Variants in WASF3 observed in about 807,000 individuals in gnomAD.
WASF3 encodes the protein actin-binding protein WASF3.
Under a neutral mutation model 46.6 loss-of-function variants are expected in WASF3, and 11 were observed. The observed-to-expected ratio is 0.24, with a 90% CI of 0.15 to 0.39. The LOEUF is 0.39. WASF3 is among the 10% of genes least tolerant of loss of function. The pLI, the probability that WASF3 is intolerant of heterozygous loss-of-function variation, is 1.00. For missense variants in WASF3, 576 were observed against 669.8 expected, an observed-to-expected ratio of 0.86 and a Z score of 1.55; for synonymous variants, 242 against 259.7, an observed-to-expected ratio of 0.93 and a Z score of 0.65.
chr13:26,543,264 G>A, the WASF3 span, among the ~76,000 whole-genome samples: 2 of 152,174 alleles, frequency 1.3e-5, no homozygotes, highest in Non-Finnish European at 2.9e-5. Context: ...TGCACATGCA[G>A]GAGAGAGTTA....
chr13:26,580,649 A>T (rs938297405), intron 1 of WASF3, among the ~76,000 whole-genome samples: 1 of 138,992 alleles, frequency 7.2e-6, no homozygotes, highest in African/African-American at 2.7e-5. Flanking sequence ...TTTGAGACAG[A>T]GTTTTTGCTC....
chr13:26,625,797 T>C (rs1320680497), intron 2 of WASF3, among the ~76,000 whole-genome samples: 1 of 152,188 alleles, frequency 6.6e-6, no homozygotes, highest in Admixed American at 6.5e-5. Context: ...GTTACAGTGT[T>C]CTCACACTAT....
At chr13:26,554,140 T>C (rs1364229419), upstream of WASF3, among the ~76,000 whole-genome samples, 1 of 148,456 alleles carries the variant, frequency 6.7e-6, no homozygotes, top group Non-Finnish European at 1.5e-5. Context: ...TCTTTCTTTC[T>C]TTCTTTGACA....
upstream of WASF3, among the ~76,000 whole-genome samples, chr13:26,555,832 C>CT (rs2137128369): frequency 6.6e-6 from 1 of 152,342 alleles, no homozygotes; most frequent in East Asian, 1.9e-4. Flanking sequence ...GATTCTGTTA[C>CT]AGGTCACCAA....
At chr13:26,541,191 T>A in the WASF3 span, among the ~76,000 whole-genome samples, 1 of 152,068 alleles carries the variant, frequency 6.6e-6, no homozygotes, top group African/African-American at 2.4e-5. Context: ...AAGGCAGAGA[T>A]CCAACTGAGG....
At chr13:26,654,690 G>A (rs1882416862) in intron 3 of WASF3, among the ~76,000 whole-genome samples, 1 of 152,106 alleles carries the variant, frequency 6.6e-6, no homozygotes, top group African/African-American at 2.4e-5. Flanking sequence ...GTTAATTATG[G>A]TTGACTTTTC....
chr13:26,618,663 A>G (rs1881215048), intron 2 of WASF3: 1 of 152,172 alleles, frequency 6.6e-6, no homozygotes, highest in Non-Finnish European at 1.5e-5. Context: ...ATTGGTAGTC[A>G]TTTCCAGTTT....
At chr13:26,588,721 A>G (rs895199698) in intron 1 of WASF3, among the ~76,000 whole-genome samples, 8 of 152,050 alleles carry the variant, frequency 5.3e-5, no homozygotes, top group Non-Finnish European at 1.2e-4. Context: ...CAACACCGGG[A>G]TTTTTCATAT....
intron 1 of WASF3, among the ~76,000 whole-genome samples, chr13:26,604,980 C>G (rs936246231): frequency 6.6e-6 from 1 of 152,160 alleles, no homozygotes; most frequent in Non-Finnish European, 1.5e-5. Context: ...GTTCTCTGCA[C>G]AATCCTGGAC....
chr13:26,576,903 C>A, intron 1 of WASF3: 1 of 771,798 alleles, frequency 1.3e-6, no homozygotes, highest in Non-Finnish European at 2.2e-6. Flanking sequence ...TTGGCAAGAA[C>A]AAACGCCTTA....
the WASF3 span, among the ~76,000 whole-genome samples, chr13:26,551,748 C>G: frequency 6.6e-6 from 1 of 152,032 alleles, no homozygotes; most frequent in African/African-American, 2.4e-5. Flanking sequence ...GCATGTAGGG[C>G]GAATGCTAGT....
Position 26,671,914 on chromosome 13 carries a change from C to T in WASF3, c.465C>T (p.Ser155=). The part of the protein sequence containing the change: ...KDGLKFYTDP[S]YFFDLWKEKM... Reference sequence around the variant, plus strand: ...GGCTGAAGTTCTATACTGATCCTTCCTATTTCTTTGACCTCTGGAAAGAAA... The same window carrying T: ...GGCTGAAGTTCTATACTGATCCTTCTTATTTCTTTGACCTCTGGAAAGAAA... Residue 155 remains serine (S), a synonymous_variant, in exon 6 of 10, where the codon TCC becomes TCT. Coordinates refer to ENST00000335327, the MANE Select transcript of WASF3 (RefSeq NM_006646.6). 1 of 1,610,972 alleles carries T rather than the reference C, an allele frequency of 6.2e-7. No homozygotes were observed. The highest frequency in any genetic ancestry group is 2.2e-5 in the East Asian group (1 of 44,700).
At chr13:26,663,695 C>A (rs1882694948) in intron 3 of WASF3, among the ~76,000 whole-genome samples, 1 of 152,154 alleles carries the variant, frequency 6.6e-6, no homozygotes, top group Admixed American at 6.5e-5. Context: ...CATAAGAATT[C>A]ATTCCCAGTG....
chr13:26,644,589 C>CA (rs1882094056), intron 3 of WASF3, among the ~76,000 whole-genome samples: 1 of 152,128 alleles, frequency 6.6e-6, no homozygotes, highest in Non-Finnish European at 1.5e-5. Flanking sequence ...AGATGACCCA[C>CA]AAAATTAGAC....
intron 1 of WASF3, among the ~76,000 whole-genome samples, chr13:26,610,796 T>C (rs983024528): frequency 6.6e-6 from 1 of 152,172 alleles, no homozygotes. Flanking sequence ...GTATTGCAGC[T>C]CGTAGTAGAG....
intron 1 of WASF3, among the ~76,000 whole-genome samples, chr13:26,581,171 A>C (rs1879969334): frequency 6.6e-6 from 1 of 152,086 alleles, no homozygotes; most frequent in Admixed American, 6.5e-5. Context: ...AGCTCAAGTG[A>C]TCTGCCTGTC....
chr13:26,611,677 T>C (rs1361634567), intron 1 of WASF3, among the ~76,000 whole-genome samples: 1 of 152,224 alleles, frequency 6.6e-6, no homozygotes, highest in African/African-American at 2.4e-5. Flanking sequence ...TGATCACTTA[T>C]GCAGATTACT....
intron 2 of WASF3, among the ~76,000 whole-genome samples, chr13:26,633,651 C>T (rs1881726568): frequency 6.6e-6 from 1 of 152,224 alleles, no homozygotes; most frequent in African/African-American, 2.4e-5. Context: ...TCCCTCTACA[C>T]ACTGCTTTAA....
chr13:26,592,286 T>C (rs1459339816), intron 1 of WASF3, among the ~76,000 whole-genome samples: 2 of 152,074 alleles, frequency 1.3e-5, no homozygotes, highest in Non-Finnish European at 2.9e-5. Context: ...ATATTGGAAA[T>C]ATTTTTGTTT....
Sources: gnomAD v4.1 joint callset for allele counts (sites outside exome capture counted in the v4.1 genomes callset) on GRCh38, gnomAD v4.1.1 for gene constraint, MANE v1.5 for transcripts, NCBI Gene and HGNC (gene_info 2026-07-23, HGNC 2026-07-21) for gene names.